The following NCL variants were observed in gnomAD, a reference collection of about 807,000 sequenced individuals.
NCL encodes the protein nucleolin multifunctional protein.
In NCL, 4 loss-of-function variants were observed where a neutral mutation model predicts 77.7. The observed-to-expected ratio is 0.05, with a 90% CI of 0.03 to 0.12. The LOEUF (loss-of-function observed/expected upper bound fraction) is 0.12, where lower values mean the gene tolerates loss of function less well. NCL is among the 10% of genes least tolerant of loss of function. The pLI is 1.00. For missense variants in NCL, 763 were observed against 860.9 expected, an observed-to-expected ratio of 0.89 and a Z score of 1.42; for synonymous variants, 344 against 297.8, an observed-to-expected ratio of 1.16 and a Z score of -1.60.
Position 231,455,139 on chromosome 2 carries a change from A to G in NCL, c.*52T>C. 19 of 1,602,496 alleles carry G rather than the reference A, an allele frequency of 1.2e-5. No homozygotes were observed. The highest frequency in any genetic ancestry group is 1.6e-5 in the Non-Finnish European group (19 of 1,170,538). On this transcript the variant is annotated 3_prime_UTR_variant, in exon 14 of 14. Transcript: ENST00000322723. The stretch of plus-strand genomic sequence containing the variant: ...CTGTCATTGATCAGGTAACAGTAAA[A>G]ACCCCAGAGTCCTTTCTTTCAAATG...
Position 231,458,986 on chromosome 2 carries a change from T to C in NCL, c.1165+15A>G. The C allele has an allele frequency of 6.4e-7, 1 of 1,563,468 alleles. No individual in the cohort carries two copies. Among genetic ancestry groups the C allele is most frequent in the Non-Finnish European group, 8.6e-7 (1 of 1,160,434 alleles). On this transcript the variant is annotated intron_variant, in intron 7 of 13. Coordinates refer to ENST00000322723, the MANE Select transcript of NCL (RefSeq NM_005381.3). ...CTCCTGAGTTCATTGCATAATCTCA[T>C]AAAGCCTTACATACCTTTCTTACTG...
chr2:231,456,960 A>G (rs773782280), intron 10 of NCL, 41 bp downstream of exon 10: 6 of 1,607,768 alleles, frequency 3.7e-6, no homozygotes, highest in South Asian at 1.1e-5. Context: ...CCTCTAAGAC[A>G]TATATAGCCT....
intron 3 of NCL, 107 bp downstream of exon 3, chr2:231,461,433 A>C (rs2046948942): frequency 1.3e-6 from 2 of 1,500,834 alleles, no homozygotes; most frequent in African/African-American, 2.8e-5. Flanking sequence ...AATTCCCACA[A>C]GGATTCTAAT....
intron 12 of NCL, 132 bp downstream of exon 12, chr2:231,455,878 C>T (rs939572111): frequency 7.1e-7 from 1 of 1,417,602 alleles, no homozygotes; most frequent in Non-Finnish European, 9.9e-7. Flanking sequence ...ATTCTCTCTT[C>T]TTCTCGTGCG....
At chr2:231,456,181 G>GT in intron 11 of NCL, 45 bp from the exon 12 acceptor site, 1 of 1,610,404 alleles carries the variant, frequency 6.2e-7, no homozygotes, top group Non-Finnish European at 8.5e-7. Context: ...GTCACAGTTC[G>GT]TAACACTGAA....
At chr2:231,461,417 C>A in intron 3 of NCL, 123 bp downstream of exon 3, 5 of 1,470,848 alleles carry the variant, frequency 3.4e-6, no homozygotes, top group Non-Finnish European at 3.6e-6. Flanking sequence ...CCACAACAAC[C>A]CAGAGAATTC....
At chr2:231,457,837 C>T (rs1051699538) in intron 8 of NCL, 37 bp from the exon 9 acceptor site, 4 of 1,556,372 alleles carry the variant, frequency 2.6e-6, no homozygotes, top group African/African-American at 1.4e-5. Context: ...GTTTTTAAAA[C>T]CATATTAACA....
chr2:231,454,647 C>T lies in NCL; in HGVS notation c.*544G>A, dbSNP rs2046865205. On this transcript the variant is annotated 3_prime_UTR_variant, in exon 14 of 14. Transcript: ENST00000322723. ...AGGGCTGGGATACTGGAAACACGCA[C>T]TAAGCCATTTCCATTGGGATGGGTG... The T allele has an allele frequency of 6.5e-6, 1 of 154,526 alleles. No individual in the cohort carries two copies. Among genetic ancestry groups the T allele is most frequent in the South Asian group, 2.0e-4 (1 of 4,996 alleles). 9.6% of individuals were successfully genotyped at this position (154,526 alleles called of 1,614,324 possible). A position where few individuals can be genotyped will look rare whatever the true frequency, so the allele number is the denominator to read the frequency against.
intron 7 of NCL, chr2:231,458,631 C>A: frequency 2.0e-6 from 1 of 512,414 alleles, no homozygotes; most frequent in Non-Finnish European, 3.4e-6. Context: ...CTAGAGTAGA[C>A]GCGCATAACA....
rs1029488095 is a variant in NCL at position 231,464,011 on chromosome 2, G to A, written c.18+325C>T. 9 of 804,532 alleles carry A rather than the reference G, an allele frequency of 1.1e-5. No homozygotes were observed. In the South Asian group the frequency reaches 2.4e-4, roughly 21 times the overall value. 49.8% of individuals were successfully genotyped at this position (804,532 alleles called of 1,614,324 possible). On this transcript the variant is annotated intron_variant, in intron 1 of 13. Coordinates refer to ENST00000322723, the MANE Select transcript of NCL (RefSeq NM_005381.3). The stretch of plus-strand genomic sequence containing the variant: ...CGTGGCAGGCCGCGCTCCCGGGCAC[G>A]TGCGTCAGGAGTCGAGTCCCAGCTC...
intron 7 of NCL, chr2:231,458,747 G>GC (rs1206942091): frequency 4.6e-6 from 2 of 433,444 alleles, no homozygotes; most frequent in Admixed American, 8.2e-5. Context: ...TAATTTAGGT[G>GC]CATCTAATAA....
intron 7 of NCL, 46 bp from the exon 8 acceptor site, chr2:231,458,435 A>C: frequency 6.3e-7 from 1 of 1,598,328 alleles, no homozygotes; most frequent in Non-Finnish European, 8.5e-7. Context: ...GAAAAACCAA[A>C]GGTGGGGGGC....
chr2:231,456,617 C>A lies in NCL; in HGVS notation c.1705+14G>T. On this transcript the variant is annotated intron_variant, in intron 11 of 13. Transcript: ENST00000322723. Reference sequence around the variant, plus strand: ...GCTACCCCCAACCACAGCACCCTAACCAGGTGAACTTACGGCTTCTGGCAT... The same window carrying A: ...GCTACCCCCAACCACAGCACCCTAAACAGGTGAACTTACGGCTTCTGGCAT... The A allele has an allele frequency of 6.2e-7, 1 of 1,614,098 alleles. No individual in the cohort carries two copies. The highest frequency in any genetic ancestry group is 1.1e-5 in the South Asian group (1 of 91,062).
chr2:231,460,117 A>G, intron 6 of NCL, 35 bp downstream of exon 6: 3 of 1,588,398 alleles, frequency 1.9e-6, no homozygotes, highest in Non-Finnish European at 2.6e-6. Context: ...GCATTAACAG[A>G]CCCACGTGTA....
chr2:231,458,457 G>C, intron 7 of NCL, 68 bp from the exon 8 acceptor site: 3 of 1,562,416 alleles, frequency 1.9e-6, no homozygotes, highest in Non-Finnish European at 2.6e-6. Flanking sequence ...ACAACAAAAA[G>C]AGGGGAAAAA....
rs1244205874 is a variant in NCL, at chr2:231,458,678, G to GT, written c.1166-290dup. Reference sequence around the variant, plus strand: ...TGTACCAATTCAAAACATTACAACTGTATATAGGGAGTAATTAGGGACCTA... The same window carrying GT: ...TGTACCAATTCAAAACATTACAACTGTTATATAGGGAGTAATTAGGGACCTA... On this transcript the variant is annotated intron_variant, in intron 7 of 13. Coordinates refer to ENST00000322723, the MANE Select transcript of NCL (RefSeq NM_005381.3). 1.1e-5 allele frequency: 5 copies of GT among 446,138 alleles called. No homozygotes were observed. The Admixed American group carries it at 2.0e-4, about 18-fold the overall frequency. 27.6% of individuals were successfully genotyped at this position (446,138 alleles called of 1,614,324 possible). A position where few individuals can be genotyped will look rare whatever the true frequency, so the allele number is the denominator to read the frequency against.
intron 2 of NCL, 191 bp from the exon 3 acceptor site, chr2:231,462,208 C>T (rs1302469792): frequency 6.5e-6 from 5 of 767,026 alleles, no homozygotes; most frequent in Non-Finnish European, 1.1e-5. Flanking sequence ...AAGGTGAATA[C>T]CCAGACATAA....
At position 231,462,856 on chromosome 2, in the gene NCL, G is replaced by C. The variant is rs188267354; in HGVS notation, c.135+344C>G. ...TAATTGGAGGCTAGGAAAGGAATCT[G>C]GTAAGGTTATCCTCAGCTCTGAATA... On this transcript the variant is annotated intron_variant, in intron 2 of 13. Coordinates refer to ENST00000322723, the MANE Select transcript of NCL (RefSeq NM_005381.3). 535 of 328,176 alleles carry C rather than the reference G, an allele frequency of 1.6e-3. 3 individuals carry two copies. Among genetic ancestry groups the C allele is most frequent in the African/African-American group, 0.01 (490 of 46,764 alleles). The allele number at this position is 328,176 out of a possible 1,614,324, so 20.3% of individuals were successfully genotyped here.
At position 231,454,880 on chromosome 2, in the gene NCL, AGAAACAACAAC is replaced by A. The variant is rs2046868796; in HGVS notation, c.*300_*310del. ...AAAAAACAAAAACAAAACAAAAAAA[AGAAACAACAAC>A]AAAACCCAAACTATTTGTAGGAAAA... On this transcript the variant is annotated 3_prime_UTR_variant, in exon 14 of 14. Transcript: ENST00000322723. 1 of 244,740 alleles carries A rather than the reference AGAAACAACAAC, an allele frequency of 4.1e-6. No homozygotes were observed. Among genetic ancestry groups the A allele is most frequent in the Admixed American group, 5.1e-5 (1 of 19,706 alleles). The allele number at this position is 244,740 out of a possible 1,614,324, so 15.2% of individuals were successfully genotyped here.
Sources: allele counts gnomAD v4.1 joint callset, GRCh38; gene constraint gnomAD v4.1.1; transcripts MANE v1.5; gene names NCBI Gene and HGNC (gene_info 2026-07-23, HGNC 2026-07-21).